The following DZIP1L variants were observed in gnomAD, a reference collection of about 807,000 sequenced individuals.
The protein encoded by DZIP1L is DAZ interacting zinc finger protein 1 like, also known as cilium assembly protein DZIP1L.
In DZIP1L, 90 loss-of-function variants were observed where a neutral mutation model predicts 88.7. The ratio of observed to expected loss-of-function variants is 1.02; its 90% confidence interval spans 0.86 to 1.21. DZIP1L has a LOEUF of 1.21. Ranked by LOEUF, DZIP1L falls within the 50% of genes most tolerant of loss-of-function variation. DZIP1L has a pLI of 0.00. For synonymous variants in DZIP1L, 363 were observed against 372.1 expected (o/e 0.98, Z 0.28); for missense variants, 932 against 955.8 (o/e 0.98, Z 0.33).
intron 2 of DZIP1L, 45 bp from the exon 3 acceptor site, chr3:138,097,892 G>A (rs766844539): frequency 1.9e-6 from 3 of 1,543,302 alleles, no homozygotes; most frequent in Non-Finnish European, 2.7e-6. Context: ...TAGGTCACCT[G>A]AGTCAGCCTG....
In DZIP1L at chr3:138,084,102, G is replaced by T; in HGVS notation, c.1203+11C>A. The T allele has an allele frequency of 6.2e-7, 1 of 1,612,948 alleles. No homozygotes were observed. The highest frequency in any genetic ancestry group is 1.7e-5 in the Admixed American group (1 of 59,922). On this transcript the variant is annotated intron_variant, in intron 8 of 15. Coordinates refer to ENST00000327532, the MANE Select transcript of DZIP1L (RefSeq NM_173543.3). ...ACACCAAGGCCTGGCTGAAAGGAAG[G>T]GCAGACCTACCATCTCCTCCTGGGA...
At chr3:138,108,822 G>A (rs2042564738) in intron 1 of DZIP1L, among the ~76,000 whole-genome samples, 1 of 152,222 alleles carries the variant, frequency 6.6e-6, no homozygotes, top group Non-Finnish European at 1.5e-5. Context: ...CATGTGTGAT[G>A]ATAAATGGCA....
At chr3:138,071,871 G>A (rs759821755) in intron 11 of DZIP1L, 36 bp from the exon 12 acceptor site, 36 of 1,572,886 alleles carry the variant, frequency 2.3e-5, no homozygotes, top group Admixed American at 7.1e-5. Context: ...ACAGAGAGAG[G>A]CTACCCTTCT....
rs1943473836 is a variant in DZIP1L at position 138,077,654 on chromosome 3, C to T, written c.1289-22G>A. ...ATCTCTGTAGCATGAGACATTCACCCAGATCAGCCTGGGCACCTGAGTTCT... is the reference window on the plus strand; with the variant it reads ...ATCTCTGTAGCATGAGACATTCACCTAGATCAGCCTGGGCACCTGAGTTCT... On this transcript the variant is annotated intron_variant, in intron 10 of 15. Transcript: ENST00000327532. 3 of 1,612,812 alleles carry T rather than the reference C, an allele frequency of 1.9e-6. No individual in the cohort carries two copies. The Admixed American group carries it at 5.0e-5, about 27-fold the overall frequency.
At chr3:138,081,973 A>G (rs1274315888) in intron 8 of DZIP1L, 2 of 463,652 alleles carry the variant, frequency 4.3e-6, no homozygotes, top group Non-Finnish European at 7.6e-6. Context: ...AGCATGCTCC[A>G]TTTTCCAAGG....
rs762420090 is a variant in DZIP1L, at chr3:138,067,664, TC to T, written c.1868del (p.Gly623GlufsTer60). ...PPFSSEEDSE[G>X]DRVQRVSLQP... Reference sequence around the variant, plus strand: ...GTAGAGACACACGCTGCACACGGTCTCCCTCTGAGTCCTCTTCAGAACTGAA... The same window carrying T: ...GTAGAGACACACGCTGCACACGGTCTCCTCTGAGTCCTCTTCAGAACTGAA... On this transcript the variant is annotated frameshift_variant, in exon 14 of 16. Transcript: ENST00000327532. LOFTEE classifies it high-confidence loss of function. The T allele has an allele frequency of 1.2e-6, 2 of 1,605,134 alleles. No individual in the cohort carries two copies. The highest frequency in any genetic ancestry group is 1.7e-6 in the Non-Finnish European group (2 of 1,176,102).
intron 7 of DZIP1L, among the ~76,000 whole-genome samples, chr3:138,085,793 A>C (rs2107788728): frequency 6.6e-6 from 1 of 152,336 alleles, no homozygotes. Flanking sequence ...TGCTGCTATA[A>C]AGACACACGC....
chr3:138,087,875 G>T (rs879524342), intron 6 of DZIP1L, among the ~76,000 whole-genome samples: 4 of 152,212 alleles, frequency 2.6e-5, no homozygotes, highest in Non-Finnish European at 4.4e-5. Context: ...CTACCAGCTG[G>T]TGAGAGCAGA....
chr3:138,086,407 G>C (rs886093741), intron 7 of DZIP1L, among the ~76,000 whole-genome samples: 1 of 152,030 alleles, frequency 6.6e-6, no homozygotes, highest in African/African-American at 2.4e-5. Flanking sequence ...TTTTGCAGGC[G>C]GAACCTGGGG....
chr3:138,067,595 A>T lies in DZIP1L; in HGVS notation c.1938T>A (p.Asp646Glu). 6.2e-7 allele frequency: 1 copy of T among 1,612,344 alleles called. No individual in the cohort carries two copies. Among genetic ancestry groups the T allele is most frequent in the South Asian group, 1.1e-5 (1 of 90,722 alleles). The change falls in exon 14 of 16, where the codon GAT becomes GAA. Residue 646 changes from aspartate to glutamate, a missense_variant. Transcript: ENST00000327532. ...VPSRMVPRPKDDWDWSDTETS... is the reference protein window; with the variant it reads ...VPSRMVPRPKEDWDWSDTETS... ...TCTCTGTGTCAGACCAGTCCCAGTC[A>T]TCCTTGGGCCGGGGCACCATCCTGG...
chr3:138,080,132 G>A (rs1451031647), intron 10 of DZIP1L, among the ~76,000 whole-genome samples: 1 of 152,168 alleles, frequency 6.6e-6, no homozygotes, highest in African/African-American at 2.4e-5. Flanking sequence ...CTATGCATTA[G>A]TCAGGCCCTG....
intron 1 of DZIP1L, among the ~76,000 whole-genome samples, chr3:138,113,875 T>C (rs745367079): frequency 6.6e-6 from 1 of 152,214 alleles, no homozygotes; most frequent in Non-Finnish European, 1.5e-5. Context: ...CATGGTTTTA[T>C]CAAAAGCCTA....
intron 15 of DZIP1L, 27 bp downstream of exon 15, chr3:138,064,601 G>A: frequency 6.2e-7 from 1 of 1,614,116 alleles, no homozygotes. Flanking sequence ...GAATTCCAGA[G>A]TAAACTCTAA....
chr3:138,101,862 C>G (rs1475299790), intron 2 of DZIP1L: 1 of 1,375,058 alleles, frequency 7.3e-7, no homozygotes, highest in African/African-American at 1.4e-5. Flanking sequence ...GCAGGGCGCC[C>G]TCCAGCTCGG....
intron 1 of DZIP1L, among the ~76,000 whole-genome samples, chr3:138,114,685 G>A (rs1251630621): frequency 6.6e-6 from 1 of 152,088 alleles, no homozygotes; most frequent in Non-Finnish European, 1.5e-5. Context: ...GGCAGCCTAG[G>A]CCCTGGGCCC....
chr3:138,081,786 C>G, intron 8 of DZIP1L, 22 bp from the exon 9 acceptor site: 1 of 1,612,044 alleles, frequency 6.2e-7, no homozygotes, highest in Non-Finnish European at 8.5e-7. Flanking sequence ...TGGAATAGAG[C>G]GGGTTACAAC....
At chr3:138,071,986 G>C (rs1303837892) in intron 11 of DZIP1L, 151 bp from the exon 12 acceptor site, 1 of 789,536 alleles carries the variant, frequency 1.3e-6, no homozygotes, top group African/African-American at 1.7e-5. Context: ...ATGAGGATCA[G>C]AGAAGGGTAA....
At chr3:138,075,557 T>C (rs546063487) in intron 11 of DZIP1L, among the ~76,000 whole-genome samples, 1 of 152,302 alleles carries the variant, frequency 6.6e-6, no homozygotes, top group African/African-American at 2.4e-5. Context: ...TGAATAATCG[T>C]TGGGTCAACA....
At chr3:138,075,184 T>G (rs1324439362) in intron 11 of DZIP1L, among the ~76,000 whole-genome samples, 2 of 152,160 alleles carry the variant, frequency 1.3e-5, no homozygotes, top group Non-Finnish European at 2.9e-5. Context: ...AGAAATGAGA[T>G]AGACAGCAAC....
Sources: gnomAD v4.1 joint callset for allele counts (sites outside exome capture counted in the v4.1 genomes callset) on GRCh38, gnomAD v4.1.1 for gene constraint, MANE v1.5 for transcripts, NCBI Gene and HGNC (gene_info 2026-07-23, HGNC 2026-07-21) for gene names.